The following TRA2A variants were observed in gnomAD, a reference collection of about 807,000 sequenced individuals.
The protein encoded by TRA2A is transformer-2 protein homolog alpha.
Under a neutral mutation model 45.7 loss-of-function variants are expected in TRA2A, and 31 were observed. The observed-to-expected ratio is 0.68, with a 90% confidence interval of 0.51 to 0.92. TRA2A has a LOEUF of 0.92. Among genes scored for constraint, TRA2A ranks in the 40% least tolerant of loss-of-function variants. TRA2A has a pLI of 0.00. For synonymous variants in TRA2A, 132 were observed against 126.2 expected (o/e 1.05, Z -0.31); for missense variants, 304 against 367.5 (o/e 0.83, Z 1.41).
At chr7:23,511,976 AT>A (rs1038790743) in intron 4 of TRA2A, among the ~76,000 whole-genome samples, 1 of 152,212 alleles carries the variant, frequency 6.6e-6, no homozygotes, top group African/African-American at 2.4e-5. Context: ...CATCAGAATT[AT>A]TTTTTAAAAG....
rs1456348600 is a variant in TRA2A, at chr7:23,521,822, T to G, written c.55A>C (p.Lys19Gln). ...CGAGCAGGAGTTCCCGTTGGAGATT[T>G]TGACTGAGAGCGAGACTCCTAACAA... Reference protein sequence around the residue: ...FEGRESRSQSKSPTGTPARVK... With the variant: ...FEGRESRSQSQSPTGTPARVK... Residue 19 changes from lysine (K) to glutamine (Q), a missense_variant, in exon 2 of 8, where the codon AAA (lysine) becomes CAA (glutamine). This residue lies in a region of TRA2A where 132 missense variants were observed against 113.4 expected (regional missense o/e 1.16). Coordinates refer to ENST00000297071, the MANE Select transcript of TRA2A (RefSeq NM_013293.5). 2 of 1,614,156 alleles carry G rather than the reference T, an allele frequency of 1.2e-6. No homozygotes were observed. Among genetic ancestry groups the G allele is most frequent in the Non-Finnish European group, 1.7e-6 (2 of 1,180,026 alleles).
At chr7:23,510,454 C>T (rs953008495) in intron 4 of TRA2A, among the ~76,000 whole-genome samples, 2 of 152,086 alleles carry the variant, frequency 1.3e-5, no homozygotes, top group African/African-American at 4.8e-5. Context: ...CTCAGCCTCC[C>T]GAGTAGCTTG....
At chr7:23,506,990 C>T (rs57398773) in intron 5 of TRA2A, among the ~76,000 whole-genome samples, 16,844 of 152,090 alleles carry the variant, frequency 0.11, 995 homozygotes, top group Middle Eastern at 0.15. Context: ...GTCCCGATCT[C>T]GTGATCTCGT....
At chr7:23,527,034 T>C (rs1039053291) in intron 1 of TRA2A, among the ~76,000 whole-genome samples, 23 of 152,274 alleles carry the variant, frequency 1.5e-4, no homozygotes, top group African/African-American at 4.6e-4. Context: ...TCCTGATCAA[T>C]TGTAATGTTC....
At chr7:23,522,020 T>A in intron 1 of TRA2A, 180 bp from the exon 2 acceptor site, 2 of 1,404,128 alleles carry the variant, frequency 1.4e-6, no homozygotes, top group African/African-American at 1.4e-5. Context: ...CTGTCCTCAA[T>A]AATTCCCTAC....
Position 23,506,269 on chromosome 7 carries a change from G to A in TRA2A, c.642-3C>T. Reference sequence around the variant, plus strand: ...CTCCTCCACCACCCCCACCACTACTGCAGAAAAATGTAAAAATTCTCCATT... The same window carrying A: ...CTCCTCCACCACCCCCACCACTACTACAGAAAAATGTAAAAATTCTCCATT... On this transcript the variant is annotated splice_region_variant and splice_polypyrimidine_tract_variant and intron_variant, in intron 5 of 7. Transcript: ENST00000297071. 2.5e-6 allele frequency: 4 copies of A among 1,592,528 alleles called. No individual in the cohort carries two copies. The highest frequency in any genetic ancestry group is 3.4e-6 in the Non-Finnish European group (4 of 1,168,878).
chr7:23,531,604 T>G, intron 1 of TRA2A, 185 bp downstream of exon 1: 1 of 630,174 alleles, frequency 1.6e-6, no homozygotes, highest in Non-Finnish European at 2.8e-6. Flanking sequence ...GGGAGGGGTG[T>G]TATCCGTGGT....
intron 1 of TRA2A, among the ~76,000 whole-genome samples, chr7:23,523,215 T>C (rs1244254243): frequency 6.6e-6 from 1 of 152,202 alleles, no homozygotes; most frequent in Non-Finnish European, 1.5e-5. Flanking sequence ...TGTTCAGTTT[T>C]TACATAATTT....
At chr7:23,522,950 T>C (rs1790194213) in intron 1 of TRA2A, among the ~76,000 whole-genome samples, 2 of 152,250 alleles carry the variant, frequency 1.3e-5, no homozygotes, top group South Asian at 2.1e-4. Context: ...ATCAGTAAAA[T>C]TACACCTTCT....
At chr7:23,522,230 G>A (rs1790164403) in intron 1 of TRA2A, 3 of 1,089,194 alleles carry the variant, frequency 2.8e-6, no homozygotes, top group East Asian at 7.8e-5. Context: ...TTCATACTTC[G>A]TGTATTCTTC....
intron 3 of TRA2A, 85 bp downstream of exon 3, chr7:23,516,278 C>A (rs1789866167): frequency 7.0e-7 from 1 of 1,421,306 alleles, no homozygotes; most frequent in Non-Finnish European, 9.7e-7. Context: ...TAAACAATGG[C>A]CAAGCTCCCC....
chr7:23,527,880 C>A (rs1318577998), intron 1 of TRA2A, among the ~76,000 whole-genome samples: 1 of 152,096 alleles, frequency 6.6e-6, no homozygotes, highest in East Asian at 1.9e-4. Context: ...AGTGAAAGAA[C>A]CTCAAATATA....
intron 4 of TRA2A, among the ~76,000 whole-genome samples, chr7:23,509,696 G>A (rs1789508266): frequency 6.7e-6 from 1 of 149,976 alleles, no homozygotes; most frequent in Non-Finnish European, 1.5e-5. Flanking sequence ...TTGTGCCACT[G>A]CCCTCCAGCC....
chr7:23,530,180 CAT>C (rs1206462490), intron 1 of TRA2A, among the ~76,000 whole-genome samples: 3 of 152,134 alleles, frequency 2.0e-5, no homozygotes, highest in African/African-American at 4.8e-5. Context: ...CAACTACTAT[CAT>C]ATATGTTTAT....
intron 7 of TRA2A, 88 bp downstream of exon 7, chr7:23,505,658 C>A: frequency 1.3e-6 from 1 of 797,522 alleles, no homozygotes; most frequent in Non-Finnish European, 2.0e-6. Context: ...CTATTAACTG[C>A]CACCTTCCAC....
intron 4 of TRA2A, among the ~76,000 whole-genome samples, chr7:23,508,939 T>C (rs187329976): frequency 1.0e-3 from 156 of 152,276 alleles, no homozygotes; most frequent in African/African-American, 3.6e-3. Context: ...AGTTGTCTCT[T>C]TGGTCTCTTT....
chr7:23,517,528 T>A, intron 2 of TRA2A, among the ~76,000 whole-genome samples: 1 of 119,182 alleles, frequency 8.4e-6, no homozygotes. Context: ...AAAAATCACT[T>A]GGGCCCAGGA....
intron 4 of TRA2A, among the ~76,000 whole-genome samples, chr7:23,511,060 A>G (rs910356029): frequency 2.0e-5 from 3 of 152,038 alleles, no homozygotes; most frequent in African/African-American, 7.2e-5. Context: ...GATGCCAAGA[A>G]CTTACTGTTT....
intron 1 of TRA2A, 177 bp from the exon 2 acceptor site, chr7:23,522,017 CAAT>C: frequency 7.1e-7 from 1 of 1,401,580 alleles, no homozygotes. Context: ...TAACTGTCCT[CAAT>C]AATTCCCTAC....
Sources: gnomAD v4.1 joint callset for allele counts (sites outside exome capture counted in the v4.1 genomes callset) on GRCh38, gnomAD v4.1.1 for gene constraint, gnomAD v4.1.1 regional missense constraint, MANE v1.5 for transcripts, NCBI Gene and HGNC (gene_info 2026-07-23, HGNC 2026-07-21) for gene names.